The following ATP10A variants were observed in gnomAD, a reference collection of about 807,000 sequenced individuals.
ATP10A encodes the protein ATPase phospholipid transporting 10A (putative).
A neutral mutation model predicts 147.8 loss-of-function variants in ATP10A; 111 were observed. That is an observed-to-expected ratio of 0.75 (90% CI 0.64 to 0.88). The LOEUF (loss-of-function observed/expected upper bound fraction) is 0.88, where lower values mean the gene tolerates loss of function less well. Among genes scored for constraint, ATP10A ranks in the 40% least tolerant of loss-of-function variants. The probability of loss-of-function intolerance (pLI) is 0.00; values close to 1 mark genes in which losing one functional copy is unlikely to be tolerated. For missense variants in ATP10A, 1,927 were observed against 1,959.0 expected (o/e 0.98, Z 0.31); for synonymous variants, 875 against 841.6 (o/e 1.04, Z -0.69).
At position 25,742,369 on chromosome 15, in the gene ATP10A, G is replaced by A. The variant is rs202030735; in HGVS notation, c.655-6228C>T. ...TTTTCTAACTGGAGATTTTCTTGCCGCAAGCACCAGTGTTAGAGATCAAGT... is the reference window on the plus strand; with the variant it reads ...TTTTCTAACTGGAGATTTTCTTGCCACAAGCACCAGTGTTAGAGATCAAGT... On this transcript the variant is annotated intron_variant, in intron 2 of 20. Transcript: ENST00000555815. Among the ~76,000 whole-genome samples, 95 of 152,348 alleles carry A rather than the reference G, an allele frequency of 6.2e-4. 1 individual carries two copies. The highest frequency in any genetic ancestry group is 1.2e-3 in the Non-Finnish European group (81 of 68,042).
At chr15:25,832,321 G>C (rs1892395065) in intron 1 of ATP10A, among the ~76,000 whole-genome samples, 1 of 152,166 alleles carries the variant, frequency 6.6e-6, no homozygotes, top group Admixed American at 6.5e-5. Flanking sequence ...TGTTATAGAA[G>C]CCTCAGGAAA....
chr15:25,765,236 A>G (rs1378980069), intron 2 of ATP10A, among the ~76,000 whole-genome samples: 4 of 152,166 alleles, frequency 2.6e-5, no homozygotes, highest in Admixed American at 6.5e-5. Context: ...AATGTTTAAC[A>G]GCCAGTAGCA....
intron 12 of ATP10A, among the ~76,000 whole-genome samples, chr15:25,703,920 C>G (rs1900819369): frequency 6.6e-6 from 1 of 152,262 alleles, no homozygotes. Flanking sequence ...ATGCTGCACA[C>G]TGCTCTGAAC....
intron 1 of ATP10A, among the ~76,000 whole-genome samples, chr15:25,806,704 C>G (rs1461157602): frequency 6.6e-6 from 1 of 152,106 alleles, no homozygotes. Flanking sequence ...ATGAGTTAAT[C>G]GACTGTTTAT....
intron 1 of ATP10A, among the ~76,000 whole-genome samples, chr15:25,860,399 T>C (rs546088009): frequency 1.3e-5 from 2 of 152,278 alleles, no homozygotes; most frequent in African/African-American, 4.8e-5. Context: ...TGCCCTATGG[T>C]GCCATCTGTC....
chr15:25,770,887 T>C (rs1889297531), intron 2 of ATP10A, among the ~76,000 whole-genome samples: 1 of 152,134 alleles, frequency 6.6e-6, no homozygotes, highest in Non-Finnish European at 1.5e-5. Flanking sequence ...AGAGATTTGT[T>C]CTTTGTCTAT....
intron 13 of ATP10A, among the ~76,000 whole-genome samples, chr15:25,698,805 A>AT (rs1372531835): frequency 6.6e-6 from 1 of 152,086 alleles, no homozygotes; most frequent in Non-Finnish European, 1.5e-5. Context: ...TCAACTTATG[A>AT]TTTTTTTGAC....
At chr15:25,846,845 A>C (rs971744885) in intron 1 of ATP10A, among the ~76,000 whole-genome samples, 1 of 152,156 alleles carries the variant, frequency 6.6e-6, no homozygotes, top group Non-Finnish European at 1.5e-5. Flanking sequence ...TTTTATTTTC[A>C]TTTATATTTT....
At chr15:25,737,109 C>T (rs1247856699) in intron 2 of ATP10A, among the ~76,000 whole-genome samples, 2 of 152,194 alleles carry the variant, frequency 1.3e-5, no homozygotes, top group Non-Finnish European at 2.9e-5. Flanking sequence ...GCTAGATAAT[C>T]GTAGCTCGAT....
At chr15:25,784,573 G>C (rs1596880769) in intron 1 of ATP10A, among the ~76,000 whole-genome samples, 1 of 152,310 alleles carries the variant, frequency 6.6e-6, no homozygotes, top group East Asian at 1.9e-4. Flanking sequence ...CACTGTCCTG[G>C]TTTGTGGGAG....
chr15:25,806,691 A>T (rs940752628), intron 1 of ATP10A, among the ~76,000 whole-genome samples: 1 of 152,194 alleles, frequency 6.6e-6, no homozygotes, highest in African/African-American at 2.4e-5. Flanking sequence ...TAACGTACAA[A>T]ATATGAGTTA....
intron 1 of ATP10A, among the ~76,000 whole-genome samples, chr15:25,807,695 G>A (rs553172332): frequency 1.4e-4 from 22 of 152,176 alleles, no homozygotes; most frequent in African/African-American, 3.9e-4. Flanking sequence ...CCAGCTACTC[G>A]GGAGTCTGAG....
In ATP10A at chr15:25,781,153, T is replaced by C. The variant is rs577422340; in HGVS notation, c.520A>G (p.Asn174Asp). ...HVGDFVRLRC[N>D]EIFPADILLL... ...AGAATGTCCGCAGGGAAGATTTCGT[T>C]GCAGCGAAGACGCACAAAGTCTCCC... Residue 174 changes from asparagine (N) to aspartate (D), a missense_variant, in exon 2 of 21, where the codon AAC becomes GAC. Physicochemically the swap from Asn to Asp is conservative, Grantham distance 23. Transcript: ENST00000555815. The C allele has an allele frequency of 1.9e-6, 3 of 1,614,218 alleles. No homozygotes were observed. Among genetic ancestry groups the C allele is most frequent in the African/African-American group, 1.3e-5 (1 of 75,066 alleles).
In ATP10A at chr15:25,735,819, C is replaced by T. The variant is rs943965234; in HGVS notation, c.740+237G>A. 2.0e-5 allele frequency among the ~76,000 whole-genome samples: 3 copies of T among 152,148 alleles called. No homozygotes were observed. The East Asian group carries it at 5.8e-4, about 29-fold the overall frequency. ...CTAGCGGGAGGAAAAGCGGTACCTC[C>T]TCCTCACAGATGGTAGTGGCAAGCT... On this transcript the variant is annotated intron_variant, in intron 3 of 20. Coordinates refer to ENST00000555815, the MANE Select transcript of ATP10A (RefSeq NM_024490.4).
chr15:25,855,249 T>A (rs12902759), intron 1 of ATP10A, among the ~76,000 whole-genome samples: 66,900 of 151,870 alleles, frequency 0.44, 17,203 homozygotes, highest in African/African-American at 0.71. Flanking sequence ...TAGTCAATGG[T>A]ATCCAGCAAA....
In ATP10A at chr15:25,680,847, G is replaced by C. The variant is rs780079692; in HGVS notation, c.3641C>G (p.Thr1214Ser). The change falls in exon 19 of 21, where the codon ACT becomes AGT. Residue 1214 changes from threonine (T) to serine (S), a missense_variant. Transcript: ENST00000555815. ...TTCAATGCCCAGGTGGAGCAGGAAAGTGAGCAGCGCGATTGTCACAATAGG... is the reference window on the plus strand; with the variant it reads ...TTCAATGCCCAGGTGGAGCAGGAAACTGAGCAGCGCGATTGTCACAATAGG... ...GTPIVTIALL[T>S]FLLHLGIETK... The C allele has an allele frequency of 1.2e-6, 2 of 1,613,884 alleles. No individual in the cohort carries two copies.
At chr15:25,813,508 G>A (rs1346649586) in intron 1 of ATP10A, among the ~76,000 whole-genome samples, 1 of 152,090 alleles carries the variant, frequency 6.6e-6, no homozygotes, top group Admixed American at 6.6e-5. Flanking sequence ...AAAAAAGCAG[G>A]CATGCAAAGA....
chr15:25,761,970 G>T (rs890843687), intron 2 of ATP10A, among the ~76,000 whole-genome samples: 5 of 152,164 alleles, frequency 3.3e-5, no homozygotes, highest in African/African-American at 9.7e-5. Context: ...GTTTGGCTGT[G>T]TCTCTACCAA....
intron 15 of ATP10A, among the ~76,000 whole-genome samples, chr15:25,689,355 G>A (rs1200294352): frequency 1.3e-5 from 2 of 152,232 alleles, no homozygotes; most frequent in African/African-American, 4.8e-5. Flanking sequence ...AGATGAGCCA[G>A]AGCTCACGAA....
Sources: gnomAD v4.1 joint callset for allele counts (sites outside exome capture counted in the v4.1 genomes callset) on GRCh38, gnomAD v4.1.1 for gene constraint, MANE v1.5 for transcripts, NCBI Gene and HGNC (gene_info 2026-07-23, HGNC 2026-07-21) for gene names.